The following SLC8A3 variants were observed in gnomAD, a reference collection of about 807,000 sequenced individuals.
SLC8A3 encodes the protein sodium/calcium exchanger 3.
A neutral mutation model predicts 65.4 loss-of-function variants in SLC8A3; 37 were observed. The ratio of observed to expected loss-of-function variants is 0.57; its 90% confidence interval spans 0.44 to 0.74. The LOEUF (loss-of-function observed/expected upper bound fraction) is 0.74. SLC8A3 is among the 30% of genes least tolerant of loss of function. The pLI is 0.00. For missense variants in SLC8A3, 1,112 were observed against 1,172.1 expected (o/e 0.95, Z 0.75); for synonymous variants, 461 against 444.5 (o/e 1.04, Z -0.47).
intron 1 of SLC8A3, among the ~76,000 whole-genome samples, chr14:70,180,136 G>A (rs533208798): frequency 2.0e-5 from 3 of 152,314 alleles, no homozygotes; most frequent in East Asian, 3.8e-4. Flanking sequence ...GGTTACCCAT[G>A]GGGGAGGCTG....
At chr14:70,083,959 G>A (rs534323556) in intron 2 of SLC8A3, among the ~76,000 whole-genome samples, 10 of 152,330 alleles carry the variant, frequency 6.6e-5, no homozygotes, top group Admixed American at 6.5e-5. Flanking sequence ...GAAGTTAAGA[G>A]TGAAGATCTT....
intron 2 of SLC8A3, among the ~76,000 whole-genome samples, chr14:70,137,534 A>C (rs181268728): frequency 6.6e-6 from 1 of 152,344 alleles, no homozygotes; most frequent in Non-Finnish European, 1.5e-5. Flanking sequence ...TTGTAAAATG[A>C]GCAACAATTT....
chr14:70,167,856 G>A lies in SLC8A3; in HGVS notation c.567C>T (p.Ile189=), dbSNP rs1897270855. 1 of 1,613,996 alleles carries A rather than the reference G, an allele frequency of 6.2e-7. No individual in the cohort carries two copies. The highest frequency in any genetic ancestry group is 1.7e-5 in the Admixed American group (1 of 59,996). Reference sequence around the variant, plus strand: ...TGATCTTGCGAGTCTCTCCGTCTGGGATCACGTAGACACAGATGCCAATGA... The same window carrying A: ...TGATCTTGCGAGTCTCTCCGTCTGGAATCACGTAGACACAGATGCCAATGA... ...FIIIGICVYV[I]PDGETRKIKH... The change falls in exon 2 of 7, where the codon ATC becomes ATT. Residue 189 remains isoleucine (I), a synonymous_variant. Transcript: ENST00000356921.
At chr14:70,133,700 A>C (rs1012811704) in intron 2 of SLC8A3, among the ~76,000 whole-genome samples, 5 of 152,164 alleles carry the variant, frequency 3.3e-5, no homozygotes, top group African/African-American at 1.2e-4. Flanking sequence ...GGCAACAGAG[A>C]TACAGGATAA....
intron 3 of SLC8A3, among the ~76,000 whole-genome samples, chr14:70,058,102 T>C (rs1040659760): frequency 2.6e-5 from 4 of 152,214 alleles, no homozygotes; most frequent in Non-Finnish European, 5.9e-5. Context: ...AACTCTGAAG[T>C]CTGTTTTGTT....
At position 70,046,096 on chromosome 14, in the gene SLC8A3, G is replaced by A; in HGVS notation, c.2617C>T (p.Leu873Phe). 6.2e-7 allele frequency: 1 copy of A among 1,614,188 alleles called. No individual in the cohort carries two copies. The highest frequency in any genetic ancestry group is 1.3e-5 in the African/African-American group (1 of 75,072). The change falls in exon 7 of 7, where the codon CTC (leucine) becomes TTC (phenylalanine). Residue 873 changes from leucine (L) to phenylalanine (F), a missense_variant. Transcript: ENST00000356921. This position sits in a 1 kb window ranked among gnomAD's most constrained non-coding sequence, Gnocchi z 4.2. ...TIFAFVCISVLLYRRRPHLGG... is the reference protein window; with the variant it reads ...TIFAFVCISVFLYRRRPHLGG... ...AGGTGCGGCCGCCTTCGGTACAAGA[G>A]CACGCTGATGCAGACAAATGCAAAG...
chr14:70,070,478 A>G (rs1343669536), intron 2 of SLC8A3, among the ~76,000 whole-genome samples: 2 of 152,216 alleles, frequency 1.3e-5, no homozygotes, highest in Non-Finnish European at 2.9e-5. Context: ...AATTGAATTC[A>G]AACAGTGTGG....
At chr14:70,117,571 C>G (rs1284942561) in intron 2 of SLC8A3, among the ~76,000 whole-genome samples, 1 of 152,208 alleles carries the variant, frequency 6.6e-6, no homozygotes, top group Non-Finnish European at 1.5e-5. Flanking sequence ...AAAACTAGAC[C>G]TGTGAGTATG....
chr14:70,170,795 A>G (rs1304481835), intron 1 of SLC8A3, among the ~76,000 whole-genome samples: 1 of 152,184 alleles, frequency 6.6e-6, no homozygotes. Flanking sequence ...TTTAATCCCT[A>G]GAGTGGCAGC....
chr14:70,102,405 G>A (rs1047117194), intron 2 of SLC8A3, among the ~76,000 whole-genome samples: 5 of 152,146 alleles, frequency 3.3e-5, no homozygotes, highest in African/African-American at 1.2e-4. Context: ...AATTGATACT[G>A]TTTATAATAT....
intron 2 of SLC8A3, among the ~76,000 whole-genome samples, chr14:70,074,836 T>C (rs1890334917): frequency 6.6e-6 from 1 of 152,004 alleles, no homozygotes. Flanking sequence ...TAAAGACAGG[T>C]TCCTATCCTG....
chr14:70,119,914 A>G (rs1893934969), intron 2 of SLC8A3, among the ~76,000 whole-genome samples: 1 of 152,240 alleles, frequency 6.6e-6, no homozygotes, highest in African/African-American at 2.4e-5. Context: ...GTTGCTGACC[A>G]GATAGGGGCT....
intron 2 of SLC8A3, among the ~76,000 whole-genome samples, chr14:70,108,399 CAAAA>C (rs764907002): frequency 1.1e-5 from 1 of 92,060 alleles, no homozygotes. Flanking sequence ...GACTCCGTCT[CAAAA>C]AAAAAAAAAA....
chr14:70,123,407 G>T (rs1894215115), intron 2 of SLC8A3, among the ~76,000 whole-genome samples: 1 of 151,566 alleles, frequency 6.6e-6, no homozygotes, highest in African/African-American at 2.4e-5. Context: ...GATGTGTTTG[G>T]TGGTAGTAGA....
rs186026978 is a variant in SLC8A3 at position 70,100,031 on chromosome 14, T to C, written c.1785-39092A>G. On this transcript the variant is annotated intron_variant, in intron 2 of 6. Transcript: ENST00000356921. ...AGAAAGGTGGCAAAGAACATGTACTTAGAAATCAAGCAGCCTTTAATAGTA... is the reference window on the plus strand; with the variant it reads ...AGAAAGGTGGCAAAGAACATGTACTCAGAAATCAAGCAGCCTTTAATAGTA... Among the ~76,000 whole-genome samples, 181 of 152,168 alleles carry C rather than the reference T, an allele frequency of 1.2e-3. 2 individuals are homozygous for C. The East Asian group carries it at 0.031, about 26-fold the overall frequency.
rs149276539 is a variant in SLC8A3, at chr14:70,084,274, C to T, written c.1785-23335G>A. ...GGTATCTCACATGCTTAGGCATCTT[C>T]TCTATTTCACCAACTTTCCTATTTG... On this transcript the variant is annotated intron_variant, in intron 2 of 6. Transcript: ENST00000356921. 6.7e-4 allele frequency among the ~76,000 whole-genome samples: 102 copies of T among 152,288 alleles called. 1 individual carries two copies. The East Asian group carries it at 0.019, about 28-fold the overall frequency.
rs865977273 is a variant in SLC8A3, at chr14:70,174,681, T to G, written c.-62-6197A>C. 4.3e-3 allele frequency among the ~76,000 whole-genome samples: 534 copies of G among 124,390 alleles called. 1 individual carries two copies. The highest frequency in any genetic ancestry group is 0.012 in the African/African-American group (444 of 35,744). 81.6% of individuals were successfully genotyped at this position (124,390 alleles called of 152,430 possible). A position where few individuals can be genotyped will look rare whatever the true frequency, so the allele number is the denominator to read the frequency against. On this transcript the variant is annotated intron_variant, in intron 1 of 6. Coordinates refer to ENST00000356921, the MANE Select transcript of SLC8A3 (RefSeq NM_182932.3). ...TTTTTTGTTTTTTTTTTTTTTTTTTTTTTTTTTTTGCCTATTAAGGCCAAA... is the reference window on the plus strand; with the variant it reads ...TTTTTTGTTTTTTTTTTTTTTTTTTGTTTTTTTTTGCCTATTAAGGCCAAA...
At chr14:70,078,447 T>C (rs1464993982) in intron 2 of SLC8A3, among the ~76,000 whole-genome samples, 24 of 152,210 alleles carry the variant, frequency 1.6e-4, no homozygotes, top group Admixed American at 1.6e-3. Context: ...CACATTATAT[T>C]ATCTGATTCT....
chr14:70,136,079 T>A (rs1895180814), intron 2 of SLC8A3, among the ~76,000 whole-genome samples: 1 of 152,162 alleles, frequency 6.6e-6, no homozygotes, highest in Non-Finnish European at 1.5e-5. Flanking sequence ...TAAAAACTTC[T>A]GTGCCTCAGA....
Sources: allele counts gnomAD v4.1 joint callset (sites outside exome capture counted in the v4.1 genomes callset), GRCh38; gene constraint gnomAD v4.1.1; non-coding constraint Gnocchi (gnomAD v3.1); transcripts MANE v1.5; gene names NCBI Gene and HGNC (gene_info 2026-07-23, HGNC 2026-07-21).